The following ACAP2 variants were observed in gnomAD, a reference collection of about 807,000 sequenced individuals.
ACAP2 encodes ArfGAP with coiled-coil, ankyrin repeat and PH domains 2, also known as arf-GAP with coiled-coil, ANK repeat and PH domain-containing protein 2.
In ACAP2, 39 loss-of-function variants were observed where a neutral mutation model predicts 115.8. That is an observed-to-expected ratio of 0.34 (90% CI 0.26 to 0.44). The LOEUF (loss-of-function observed/expected upper bound fraction) is 0.44. ACAP2 is among the 20% of genes least tolerant of loss of function. The pLI, the probability that ACAP2 is intolerant of heterozygous loss-of-function variation, is 1.00. For missense variants in ACAP2, 662 were observed against 927.6 expected, an observed-to-expected ratio of 0.71 and a Z score of 3.72; for synonymous variants, 289 against 315.8, an observed-to-expected ratio of 0.92 and a Z score of 0.90.
At chr3:195,420,243 A>G (rs1714067843) in intron 1 of ACAP2, among the ~76,000 whole-genome samples, 2 of 152,094 alleles carry the variant, frequency 1.3e-5, no homozygotes, top group Non-Finnish European at 2.9e-5. Context: ...CTTATTTCCT[A>G]TCTGCTTACT....
In ACAP2 at chr3:195,278,066, G is replaced by C. The variant is rs1258992295; in HGVS notation, c.*1262C>G. On this transcript the variant is annotated 3_prime_UTR_variant, in exon 23 of 23. Coordinates refer to ENST00000326793, the MANE Select transcript of ACAP2 (RefSeq NM_012287.6). ...ACTGCACTCCAGCCTGGGTGACACA[G>C]CAAGACGCCATCTCGGGAAAAAAAA... 1.4e-5 allele frequency: 2 copies of C among 143,700 alleles called. No homozygotes were observed. The highest frequency in any genetic ancestry group is 5.2e-5 in the African/African-American group (2 of 38,510). 8.9% of individuals were successfully genotyped at this position (143,700 alleles called of 1,614,324 possible). A position where few individuals can be genotyped will look rare whatever the true frequency, so the allele number is the denominator to read the frequency against.
intron 1 of ACAP2, among the ~76,000 whole-genome samples, chr3:195,436,137 T>A (rs1026449319): frequency 1.3e-4 from 20 of 149,586 alleles, no homozygotes; most frequent in African/African-American, 3.9e-4. Context: ...ATATATATTT[T>A]TTTTTTTTGG....
At chr3:195,306,674 A>G in intron 12 of ACAP2, 58 bp from the exon 13 acceptor site, 1 of 1,186,726 alleles carries the variant, frequency 8.4e-7, no homozygotes, top group African/African-American at 1.6e-5. Context: ...AAAACACCCT[A>G]TAAGCTTTAT....
rs761108259 is a variant in ACAP2 at position 195,378,070 on chromosome 3, G to GGAAGGGAGGAAGGGAGGA, written c.285+2938_285+2939insTCCTCCCTTCCTCCCTTC. Among the ~76,000 whole-genome samples, 6 of 143,576 alleles carry GGAAGGGAGGAAGGGAGGA rather than the reference G, an allele frequency of 4.2e-5. No homozygotes were observed. The South Asian group carries it at 7.0e-4, about 17-fold the overall frequency. The allele number at this position is 143,576 out of a possible 152,430, so 94.2% of individuals were successfully genotyped here. A position where few individuals can be genotyped will look rare whatever the true frequency, so the allele number is the denominator to read the frequency against. ...GTGAAAAAGAAGAGGGAGGGAGGGA[G>GGAAGGGAGGAAGGGAGGA]GGAGGAAGGGAGGAAGGGAGGAGGA... is the stretch of plus-strand genomic sequence containing the variant. On this transcript the variant is annotated intron_variant, in intron 4 of 22. Coordinates refer to ENST00000326793, the MANE Select transcript of ACAP2 (RefSeq NM_012287.6).
intron 1 of ACAP2, among the ~76,000 whole-genome samples, chr3:195,408,491 G>C (rs1055672285): frequency 6.6e-6 from 1 of 152,042 alleles, no homozygotes; most frequent in African/African-American, 2.4e-5. Flanking sequence ...TTAAGTCCTA[G>C]ACCTAATGGC....
At chr3:195,288,794 G>C (rs558125919) in intron 21 of ACAP2, among the ~76,000 whole-genome samples, 2 of 152,186 alleles carry the variant, frequency 1.3e-5, no homozygotes, top group Non-Finnish European at 1.5e-5. Context: ...GGAGGTGGAG[G>C]TTGCAGGGAG....
At chr3:195,306,806 T>A in intron 12 of ACAP2, 190 bp from the exon 13 acceptor site, 2 of 427,630 alleles carry the variant, frequency 4.7e-6, no homozygotes, top group Non-Finnish European at 4.1e-6. Flanking sequence ...AAGGTGCCAA[T>A]GAAACAAATT....
intron 4 of ACAP2, among the ~76,000 whole-genome samples, chr3:195,361,095 T>C (rs968379787): frequency 6.6e-6 from 1 of 150,888 alleles, no homozygotes; most frequent in Non-Finnish European, 1.5e-5. Context: ...CACATGGAAA[T>C]TAAACAATAT....
intron 1 of ACAP2, among the ~76,000 whole-genome samples, chr3:195,405,454 A>C (rs1023243985): frequency 3.9e-5 from 6 of 152,166 alleles, no homozygotes; most frequent in Non-Finnish European, 8.8e-5. Flanking sequence ...TGAGAGGCCA[A>C]GGTGGGCAGA....
intron 4 of ACAP2, among the ~76,000 whole-genome samples, chr3:195,362,142 C>T (rs1377417886): frequency 2.6e-5 from 4 of 151,930 alleles, no homozygotes; most frequent in Non-Finnish European, 4.4e-5. Flanking sequence ...GCTGAAACCC[C>T]GTCTCTACTA....
intron 4 of ACAP2, among the ~76,000 whole-genome samples, chr3:195,351,360 G>A (rs992496507): frequency 4.4e-4 from 66 of 151,710 alleles, no homozygotes; most frequent in African/African-American, 1.5e-3. Context: ...CAAGTGATCC[G>A]CCCGCCTCAG....
At chr3:195,415,873 T>C (rs1031512974) in intron 1 of ACAP2, among the ~76,000 whole-genome samples, 6 of 152,078 alleles carry the variant, frequency 3.9e-5, no homozygotes, top group African/African-American at 1.4e-4. Flanking sequence ...AAAAAAACGC[T>C]AAAAAGGTGA....
chr3:195,392,825 G>A (rs150214066), intron 1 of ACAP2, among the ~76,000 whole-genome samples: 14 of 152,270 alleles, frequency 9.2e-5, no homozygotes, highest in Non-Finnish European at 1.9e-4. Flanking sequence ...CAAAATAGCA[G>A]CAACTAAGTT....
chr3:195,351,670 T>C (rs529786723), intron 4 of ACAP2, among the ~76,000 whole-genome samples: 1 of 150,590 alleles, frequency 6.6e-6, no homozygotes, highest in South Asian at 2.1e-4. Context: ...TTCACTGTGT[T>C]AGGCAGGATG....
chr3:195,417,840 T>A (rs910577282), intron 1 of ACAP2, among the ~76,000 whole-genome samples: 1 of 151,930 alleles, frequency 6.6e-6, no homozygotes, highest in Non-Finnish European at 1.5e-5. Flanking sequence ...TCCCAGCTAT[T>A]GAGGAGGCTA....
intron 1 of ACAP2, among the ~76,000 whole-genome samples, chr3:195,438,155 A>G (rs1231331034): frequency 6.6e-6 from 1 of 151,194 alleles, no homozygotes; most frequent in East Asian, 2.0e-4. Context: ...CCTCCCGAGT[A>G]GCTGGGATTA....
intron 10 of ACAP2, among the ~76,000 whole-genome samples, chr3:195,312,280 C>A (rs1728821234): frequency 6.6e-6 from 1 of 152,038 alleles, no homozygotes; most frequent in Non-Finnish European, 1.5e-5. Flanking sequence ...CATGAATGCT[C>A]CTTTACTTCA....
At chr3:195,342,324 A>T in intron 6 of ACAP2, 147 bp downstream of exon 6, 1 of 700,730 alleles carries the variant, frequency 1.4e-6, no homozygotes, top group Non-Finnish European at 2.2e-6. Flanking sequence ...ACTAATAGCT[A>T]CACAGATGGA....
Position 195,442,979 on chromosome 3 carries a change from C to T in ACAP2, c.-132G>A, listed in dbSNP as rs1381271848. The T allele has an allele frequency of 1.4e-5, 11 of 781,872 alleles. No homozygotes were observed. In the Admixed American group the frequency reaches 3.8e-4, roughly 27 times the overall value. The allele number at this position is 781,872 out of a possible 1,614,324, so 48.4% of individuals were successfully genotyped here. ...CGCGGAGCTGCGAAGGGCGCCTCGC[C>T]CGCTGGTCATAGCAGCCGCGAAGAC... is the stretch of plus-strand genomic sequence containing the variant. On this transcript the variant is annotated 5_prime_UTR_variant, in exon 1 of 23. Coordinates refer to ENST00000326793, the MANE Select transcript of ACAP2 (RefSeq NM_012287.6).
Sources: gnomAD v4.1 joint callset for allele counts (sites outside exome capture counted in the v4.1 genomes callset) on GRCh38, gnomAD v4.1.1 for gene constraint, MANE v1.5 for transcripts, NCBI Gene and HGNC (gene_info 2026-07-23, HGNC 2026-07-21) for gene names.